The following OSMR variants were observed in gnomAD, a reference collection of about 807,000 sequenced individuals.
OSMR encodes the protein oncostatin-M-specific receptor subunit beta.
A neutral mutation model predicts 99.9 loss-of-function variants in OSMR; 81 were observed. That is an observed-to-expected ratio of 0.81 (90% confidence interval 0.68 to 0.97). The LOEUF (loss-of-function observed/expected upper bound fraction) is 0.97, where lower values mean the gene tolerates loss of function less well. OSMR is among the 50% of genes least tolerant of loss of function. The pLI is 0.00. For missense variants in OSMR, 1,099 were observed against 1,153.4 expected, an observed-to-expected ratio of 0.95 and a Z score of 0.68; for synonymous variants, 406 against 410.4, an observed-to-expected ratio of 0.99 and a Z score of 0.13.
chr5:38,876,260 C>T lies in OSMR; in HGVS notation c.133C>T (p.Arg45Cys), dbSNP rs771102454. ...ACTTAAAGTTTCCACCAATTCTACG[C>T]GTCAGAGTTTGCACTTACAATGGAC... is the stretch of plus-strand genomic sequence containing the variant. Reference protein sequence around the residue: ...VSLKVSTNSTRQSLHLQWTVH... With the variant: ...VSLKVSTNSTCQSLHLQWTVH... The change falls in exon 3 of 18, where the codon CGT becomes TGT. Residue 45 changes from arginine (R) to cysteine (C), a missense_variant. Arg to Cys is a radical substitution (Grantham distance 180, BLOSUM62 -3). Coordinates refer to ENST00000274276, the MANE Select transcript of OSMR (RefSeq NM_003999.3). The T allele has an allele frequency of 1.1e-5, 18 of 1,613,540 alleles. No homozygotes were observed. The highest frequency in any genetic ancestry group is 5.5e-5 in the South Asian group (5 of 91,040).
At chr5:38,894,091 A>C (rs961189406) in intron 7 of OSMR, among the ~76,000 whole-genome samples, 1 of 152,214 alleles carries the variant, frequency 6.6e-6, no homozygotes, top group Non-Finnish European at 1.5e-5. Flanking sequence ...TTCATATGTG[A>C]AGGTAAAATA....
intron 2 of OSMR, 134 bp downstream of exon 2, chr5:38,869,251 A>G: frequency 1.3e-6 from 1 of 790,490 alleles, no homozygotes; most frequent in Non-Finnish European, 2.3e-6. Flanking sequence ...TCCCATGAGG[A>G]GATTTGTCAA....
At chr5:38,944,039 T>C (rs1223211425) in intron 1 of OSMR, among the ~76,000 whole-genome samples, 3 of 152,196 alleles carry the variant, frequency 2.0e-5, no homozygotes, top group Non-Finnish European at 4.4e-5. Context: ...CAGCCACCAT[T>C]AACTACTATA....
chr5:38,869,106 A>T lies in OSMR; in HGVS notation c.62A>T (p.Tyr21Phe). Residue 21 changes from tyrosine (Y) to phenylalanine (F), a missense_variant, in exon 2 of 18, where the codon TAC (tyrosine) becomes TTC (phenylalanine). By Grantham distance (22) the Tyr-to-Phe change is conservative. Transcript: ENST00000274276. ...TTAACATTGCTGTCCTTGAGGACTT[A>T]CCAGAGTGAAGGTAAGAAGTGGAAG... The part of the protein sequence containing the change: ...FFLTLLSLRT[Y>F]QSEVLAERLP... 1 of 1,610,426 alleles carries T rather than the reference A, an allele frequency of 6.2e-7. No individual in the cohort carries two copies.
At chr5:38,913,084 A>T (rs1191066977) in intron 9 of OSMR, among the ~76,000 whole-genome samples, 1 of 152,166 alleles carries the variant, frequency 6.6e-6, no homozygotes, top group East Asian at 1.9e-4. Flanking sequence ...AGTCAGACCT[A>T]ATTAAACTAA....
Position 38,942,882 on chromosome 5 carries a change from G to A in OSMR, c.75-1319G>A, listed in dbSNP as rs77464125. On this transcript the variant is annotated intron_variant and NMD_transcript_variant, in intron 1 of 2. Coordinates refer to the OSMR transcript ENST00000508882. ...TAATTCTTGTATGAACCTCCGACAC[G>A]GAAGTCTGAATGTGCAGTGTGACAG... 230 of 1,611,378 alleles carry A rather than the reference G, an allele frequency of 1.4e-4. No individual in the cohort carries two copies. The East Asian group carries it at 4.3e-3, about 30-fold the overall frequency.
chr5:38,861,908 T>C (rs1299609362), intron 1 of OSMR, among the ~76,000 whole-genome samples: 1 of 128,760 alleles, frequency 7.8e-6, no homozygotes, highest in Non-Finnish European at 1.6e-5. Flanking sequence ...ACGGGGCGGC[T>C]GGCCGGGCGG....
Position 38,886,071 on chromosome 5 carries a change from A to G in OSMR, c.872A>G (p.Lys291Arg). 1.2e-6 allele frequency: 2 copies of G among 1,613,774 alleles called. No individual in the cohort carries two copies. Among genetic ancestry groups the G allele is most frequent in the South Asian group, 2.2e-5 (2 of 90,914 alleles). Residue 291 changes from lysine (K) to arginine (R), a missense_variant, in exon 7 of 18, where the codon AAA (lysine) becomes AGA (arginine). Coordinates refer to ENST00000274276, the MANE Select transcript of OSMR (RefSeq NM_003999.3). ...GGGGAAAAGAAACTTTGTACACACA[A>G]AAACTGGTGTAATTGGCAAATAACT... ...FSGEKKLCTH[K>R]NWCNWQITQD...
At chr5:38,932,387 T>C in intron 16 of OSMR, 76 bp from the exon 17 acceptor site, 1 of 1,032,384 alleles carries the variant, frequency 9.7e-7, no homozygotes, top group South Asian at 1.3e-5. Context: ...AAGCCAGGAA[T>C]CTGACTCCAG....
chr5:38,911,956 A>G (rs914609927), intron 9 of OSMR, among the ~76,000 whole-genome samples: 2 of 152,208 alleles, frequency 1.3e-5, no homozygotes, highest in Non-Finnish European at 2.9e-5. Context: ...AGCCAACATC[A>G]TACTAAATGG....
At chr5:38,851,419 T>A (rs948628418) in intron 1 of OSMR, among the ~76,000 whole-genome samples, 1 of 151,872 alleles carries the variant, frequency 6.6e-6, no homozygotes, top group African/African-American at 2.4e-5. Flanking sequence ...GGGAAGGACT[T>A]GTAAGGGGAA....
At chr5:38,887,672 C>T (rs2112421680) in intron 7 of OSMR, among the ~76,000 whole-genome samples, 1 of 152,190 alleles carries the variant, frequency 6.6e-6, no homozygotes, top group South Asian at 2.1e-4. Flanking sequence ...TTCTTGGTGC[C>T]ATACTCTTTT....
intron 2 of OSMR, among the ~76,000 whole-genome samples, chr5:38,875,045 T>G (rs906915526): frequency 6.6e-6 from 1 of 152,242 alleles, no homozygotes; most frequent in Non-Finnish European, 1.5e-5. Context: ...TGAGATAATC[T>G]CTTACCATTT....
intron 15 of OSMR, among the ~76,000 whole-genome samples, chr5:38,930,922 G>T (rs1196717399): frequency 1.2e-4 from 3 of 24,952 alleles, no homozygotes; most frequent in Non-Finnish European, 1.9e-4. Context: ...GAAGCATTTT[G>T]TGTGTGTGTG....
At position 38,942,348 on chromosome 5, in the gene OSMR, T is replaced by C. The variant is rs773603486; in HGVS notation, c.75-1853T>C. The C allele has an allele frequency of 5.6e-6, 9 of 1,597,734 alleles. No individual in the cohort carries two copies. In the South Asian group the frequency reaches 1.0e-4, roughly 18 times the overall value. ...TCAACTATAGGTTGCTTTGGTGGTGTTGCCAACACAGCCTCTGCTTCTTCA... is the reference window on the plus strand; with the variant it reads ...TCAACTATAGGTTGCTTTGGTGGTGCTGCCAACACAGCCTCTGCTTCTTCA... On this transcript the variant is annotated intron_variant and NMD_transcript_variant, in intron 1 of 2. Coordinates refer to the OSMR transcript ENST00000508882.
chr5:38,881,815 T>C (rs1462979816), intron 4 of OSMR, 51 bp downstream of exon 4: 25 of 1,467,966 alleles, frequency 1.7e-5, no homozygotes, highest in South Asian at 1.5e-4. Context: ...TATTTTTTAA[T>C]GAGGAGCAAT....
chr5:38,848,247 T>TA (rs1462970277), intron 1 of OSMR, among the ~76,000 whole-genome samples: 4 of 152,046 alleles, frequency 2.6e-5, no homozygotes, highest in Non-Finnish European at 4.4e-5. Flanking sequence ...CTTGATTGCT[T>TA]AAAAAATGTG....
rs1011985460 is a variant in OSMR at position 38,856,619 on chromosome 5, A to C, written c.-14+10232A>C. Among the ~76,000 whole-genome samples, 5 of 152,226 alleles carry C rather than the reference A, an allele frequency of 3.3e-5. No homozygotes were observed. The East Asian group carries it at 9.6e-4, about 29-fold the overall frequency. On this transcript the variant is annotated intron_variant, in intron 1 of 17. Transcript: ENST00000274276. ...ATATGTGAGAGACAGTATAAAGGGC[A>C]GGAATTCCAGATAAGACCATCTTGT...
chr5:38,879,395 C>A (rs896237999), intron 3 of OSMR, among the ~76,000 whole-genome samples: 1 of 152,162 alleles, frequency 6.6e-6, no homozygotes, highest in Non-Finnish European at 1.5e-5. Flanking sequence ...TTTGAATAGC[C>A]GCACAGCGGA....
Sources: allele counts gnomAD v4.1 joint callset (sites outside exome capture counted in the v4.1 genomes callset), GRCh38; gene constraint gnomAD v4.1.1; transcripts MANE v1.5; gene names NCBI Gene and HGNC (gene_info 2026-07-23, HGNC 2026-07-21).